Variants in ERAP1 observed in about 807,000 individuals in gnomAD.
ERAP1 encodes endoplasmic reticulum aminopeptidase 1, also known as adipocyte-derived leucine aminopeptidase.
A neutral mutation model predicts 103.7 loss-of-function variants in ERAP1; 86 were observed. That is an observed-to-expected ratio of 0.83 (90% confidence interval 0.70 to 0.99). The LOEUF (loss-of-function observed/expected upper bound fraction) is 0.99. Ranked by LOEUF, ERAP1 falls within the 50% of genes least tolerant of loss-of-function variation. The pLI, the probability that ERAP1 is intolerant of heterozygous loss-of-function variation, is 0.00. For synonymous variants in ERAP1, 398 were observed against 402.4 expected, an observed-to-expected ratio of 0.99 and a Z score of 0.13; for missense variants, 1,009 against 1,128.4, an observed-to-expected ratio of 0.89 and a Z score of 1.52.
intron 13 of ERAP1, chr5:96,785,548 G>T: frequency 3.9e-6 from 2 of 510,812 alleles, no homozygotes; most frequent in Non-Finnish European, 7.1e-6. Context: ...GCCTCAGTAT[G>T]ATCTGAATTA....
At chr5:96,845,180 A>G in the ERAP1 span, among the ~76,000 whole-genome samples, 2 of 152,200 alleles carry the variant, frequency 1.3e-5, no homozygotes, top group Non-Finnish European at 2.9e-5. Flanking sequence ...GAATATCAGT[A>G]TAAAATTACA....
intron 19 of ERAP1, chr5:96,763,253 G>A: frequency 1.3e-6 from 1 of 780,682 alleles, no homozygotes. Flanking sequence ...AGGCACAAAT[G>A]ACAAAGCCCA....
At chr5:96,860,190 A>G in the ERAP1 span, among the ~76,000 whole-genome samples, 1 of 152,196 alleles carries the variant, frequency 6.6e-6, no homozygotes, top group South Asian at 2.1e-4. Context: ...AGTAGCTGGG[A>G]TTACAGGCGT....
At chr5:96,922,988 G>GT in the ERAP1 span, among the ~76,000 whole-genome samples, 3 of 115,276 alleles carry the variant, frequency 2.6e-5, no homozygotes, top group Middle Eastern at 4.3e-3. Context: ...TTTGTTTTTT[G>GT]TTTTTTTTGA....
At chr5:96,853,434 C>T in the ERAP1 span, among the ~76,000 whole-genome samples, 1 of 152,128 alleles carries the variant, frequency 6.6e-6, no homozygotes, top group Non-Finnish European at 1.5e-5. Flanking sequence ...AGGTACACTA[C>T]CGACTTCAAA....
chr5:96,922,639 C>T, the ERAP1 span, among the ~76,000 whole-genome samples: 1 of 152,282 alleles, frequency 6.6e-6, no homozygotes, highest in African/African-American at 2.4e-5. Context: ...CAATTGTGCA[C>T]AATCTATGTG....
At chr5:96,762,319 T>G in exon 20 of ERAP1, 38 of 1,608,652 alleles carry the variant, frequency 2.4e-5, no homozygotes, top group Non-Finnish European at 3.0e-5. Flanking sequence ...TGAAGTGGTT[T>G]CCCAAACCCC....
chr5:96,860,210 C>T, the ERAP1 span, among the ~76,000 whole-genome samples: 1 of 152,180 alleles, frequency 6.6e-6, no homozygotes, highest in Non-Finnish European at 1.5e-5. Context: ...TGTGCCACTA[C>T]GCCTGGCTAA....
At chr5:96,883,057 AG>A in the ERAP1 span, among the ~76,000 whole-genome samples, 1 of 152,178 alleles carries the variant, frequency 6.6e-6, no homozygotes, top group Non-Finnish European at 1.5e-5. Context: ...TCATCTGAAG[AG>A]TGGCAAGCAG....
chr5:96,913,418 G>T, the ERAP1 span: 4 of 1,614,124 alleles, frequency 2.5e-6, no homozygotes, highest in South Asian at 2.2e-5. Flanking sequence ...CAACTAGCAT[G>T]GGATTTTGTA....
At chr5:96,911,866 C>CAAAAAAAAAAAAAAAA in the ERAP1 span, among the ~76,000 whole-genome samples, 3 of 56,634 alleles carry the variant, frequency 5.3e-5, no homozygotes, top group South Asian at 7.3e-4. Context: ...GACCCTGTCT[C>CAAAAAAAAAAAAAAAA]AAAAAAAAAA....
downstream of ERAP1, among the ~76,000 whole-genome samples, chr5:96,770,888 G>A (rs1469962932): frequency 6.6e-6 from 1 of 152,084 alleles, no homozygotes; most frequent in African/African-American, 2.4e-5. Flanking sequence ...ATAGTATGTG[G>A]TTTATATAGA....
the ERAP1 span, among the ~76,000 whole-genome samples, chr5:96,846,711 A>AC: frequency 6.6e-6 from 1 of 151,716 alleles, no homozygotes; most frequent in Admixed American, 6.6e-5. Context: ...CTCTTTCCCA[A>AC]CCCCCCTCCC....
At chr5:96,882,361 CT>C in the ERAP1 span, among the ~76,000 whole-genome samples, 1 of 152,140 alleles carries the variant, frequency 6.6e-6, no homozygotes, top group African/African-American at 2.4e-5. Flanking sequence ...TCCAGCATGC[CT>C]CCCGTGATTA....
At chr5:96,880,176 T>C in the ERAP1 span, 5 of 1,614,106 alleles carry the variant, frequency 3.1e-6, no homozygotes, top group East Asian at 6.7e-5. Context: ...AAATACTATG[T>C]GGCTATGGAC....
chr5:96,908,998 A>G, the ERAP1 span: 1 of 1,614,192 alleles, frequency 6.2e-7, no homozygotes, highest in Non-Finnish European at 8.5e-7. Context: ...TCTTGACATG[A>G]CTTACTACCT....
intron 19 of ERAP1, chr5:96,767,401 T>A: frequency 7.0e-6 from 11 of 1,562,890 alleles, no homozygotes; most frequent in Non-Finnish European, 7.1e-6. Flanking sequence ...CCTTTACAGA[T>A]ATCTATGCTT....
chr5:96,845,008 T>C, the ERAP1 span, among the ~76,000 whole-genome samples: 3 of 152,140 alleles, frequency 2.0e-5, no homozygotes, highest in Admixed American at 6.5e-5. Flanking sequence ...TACTAAAGCA[T>C]TGTGTTTTTC....
At chr5:96,928,014 T>G in the ERAP1 span, among the ~76,000 whole-genome samples, 1 of 152,184 alleles carries the variant, frequency 6.6e-6, no homozygotes, top group South Asian at 2.1e-4. Flanking sequence ...CAAGTGATTC[T>G]CATGCCTCAG....
Sources: allele counts gnomAD v4.1 joint callset (sites outside exome capture counted in the v4.1 genomes callset), GRCh38; gene constraint gnomAD v4.1.1; transcripts MANE v1.5; gene names NCBI Gene and HGNC (gene_info 2026-07-23, HGNC 2026-07-21).